CDH13: variants seen among roughly 807,000 people sequenced by gnomAD.
CDH13 encodes cadherin-13.
Under a neutral mutation model 63.8 loss-of-function variants are expected in CDH13, and 24 were observed. The observed-to-expected ratio is 0.38, with a 90% CI of 0.27 to 0.53. The LOEUF (loss-of-function observed/expected upper bound fraction) is 0.53, where lower values mean the gene tolerates loss of function less well. Among genes scored for constraint, CDH13 ranks in the 20% least tolerant of loss-of-function variants. The pLI, the probability that CDH13 is intolerant of heterozygous loss-of-function variation, is 0.85. For synonymous variants in CDH13, 503 were observed against 355.3 expected, an observed-to-expected ratio of 1.42 and a Z score of -4.67; for missense variants, 1,049 against 903.1, an observed-to-expected ratio of 1.16 and a Z score of -2.07.
rs562366929 is a variant in CDH13, at chr16:83,134,929, G to A, written c.483+9428G>A. Among the ~76,000 whole-genome samples the A allele has an allele frequency of 4.6e-5, 7 of 152,150 alleles. No individual in the cohort carries two copies. The South Asian group carries it at 6.2e-4, about 14-fold the overall frequency. On this transcript the variant is annotated intron_variant, in intron 4 of 13. Transcript: ENST00000567109. ...TTAACCCTGAGTTTATCACCCTTTCGGTTCTCCATTTTAAAGGTTCCTAGA... is the reference window on the plus strand; with the variant it reads ...TTAACCCTGAGTTTATCACCCTTTCAGTTCTCCATTTTAAAGGTTCCTAGA...
chr16:83,191,472 T>G (rs1168016940), intron 4 of CDH13, among the ~76,000 whole-genome samples: 14 of 115,448 alleles, frequency 1.2e-4, no homozygotes, highest in African/African-American at 3.9e-4. Flanking sequence ...TATATATATA[T>G]ATATATATAT....
chr16:82,690,839 C>G (rs1915575621), intron 1 of CDH13, among the ~76,000 whole-genome samples: 1 of 152,210 alleles, frequency 6.6e-6, no homozygotes, highest in African/African-American at 2.4e-5. Context: ...CTCGGCTGAG[C>G]TGACTGTCAA....
intron 2 of CDH13, among the ~76,000 whole-genome samples, chr16:82,945,515 A>G (rs895996568): frequency 6.6e-6 from 1 of 152,226 alleles, no homozygotes. Flanking sequence ...GGATGGAAGA[A>G]CAATAACAAT....
chr16:83,410,761 C>G (rs1042978280), intron 6 of CDH13, among the ~76,000 whole-genome samples: 1 of 152,142 alleles, frequency 6.6e-6, no homozygotes, highest in Non-Finnish European at 1.5e-5. Flanking sequence ...GTTCAAGTAA[C>G]TGAGTCGTTG....
chr16:83,333,554 C>T (rs534147730), intron 5 of CDH13, among the ~76,000 whole-genome samples: 2 of 152,260 alleles, frequency 1.3e-5, no homozygotes, highest in East Asian at 3.9e-4. Context: ...AGGAAGATGG[C>T]ATTCCAAGGT....
intron 7 of CDH13, among the ~76,000 whole-genome samples, chr16:83,564,264 A>G (rs1214407819): frequency 6.6e-6 from 1 of 152,130 alleles, no homozygotes. Flanking sequence ...TAGCAAGAAA[A>G]AATGGCAGGC....
intron 6 of CDH13, among the ~76,000 whole-genome samples, chr16:83,379,938 T>TATAGAG: frequency 0.044 from 5,445 of 123,350 alleles, 153 homozygotes; most frequent in Non-Finnish European, 0.062. Flanking sequence ...TATATATATA[T>TATAGAG]AGAGAGAGAG....
chr16:83,231,369 A>C (rs1235996160), intron 5 of CDH13, among the ~76,000 whole-genome samples: 4 of 152,182 alleles, frequency 2.6e-5, no homozygotes, highest in Admixed American at 2.0e-4. Flanking sequence ...AGATAGGAGA[A>C]AAATTTTGGA....
chr16:83,405,393 G>C (rs1326395643), intron 6 of CDH13, among the ~76,000 whole-genome samples: 1 of 152,192 alleles, frequency 6.6e-6, no homozygotes, highest in Non-Finnish European at 1.5e-5. Flanking sequence ...TACGCCCAAT[G>C]TAACCACAAG....
chr16:83,487,533 CG>C (rs1313045271), intron 7 of CDH13, among the ~76,000 whole-genome samples: 8 of 152,130 alleles, frequency 5.3e-5, no homozygotes, highest in Non-Finnish European at 1.0e-4. Context: ...TGAGGTCCAC[CG>C]TGTAGCTTAC....
At chr16:83,511,971 C>G (rs546595050) in intron 7 of CDH13, among the ~76,000 whole-genome samples, 1 of 152,244 alleles carries the variant, frequency 6.6e-6, no homozygotes, top group African/African-American at 2.4e-5. Flanking sequence ...AGTTCCAGCA[C>G]ATGGTTAGTC....
intron 3 of CDH13, among the ~76,000 whole-genome samples, chr16:83,093,826 T>A (rs1347628795): frequency 6.6e-6 from 1 of 152,118 alleles, no homozygotes; most frequent in Non-Finnish European, 1.5e-5. Flanking sequence ...AATAAATGGA[T>A]ACCAAAATCA....
At chr16:83,171,616 C>G in intron 4 of CDH13, 4 of 1,448,456 alleles carry the variant, frequency 2.8e-6, no homozygotes, top group Non-Finnish European at 3.7e-6. Context: ...TCTTCATTTC[C>G]TTGTTTGTGT....
rs866552612 is a variant in CDH13, at chr16:83,090,730, A to T, written c.367-34655A>T. ...CTCCGACTGCACGAGTTGGTGATTA[A>T]ACTTTAAAACAACAATTAGACCCTT... On this transcript the variant is annotated intron_variant, in intron 3 of 13. Transcript: ENST00000567109. Among the ~76,000 whole-genome samples, 31 of 152,268 alleles carry T rather than the reference A, an allele frequency of 2.0e-4. No individual in the cohort carries two copies. In the Middle Eastern group the frequency reaches 0.01, roughly 50 times the overall value.
At chr16:83,551,749 A>G (rs2075503463) in intron 7 of CDH13, among the ~76,000 whole-genome samples, 1 of 151,874 alleles carries the variant, frequency 6.6e-6, no homozygotes, top group African/African-American at 2.4e-5. Context: ...TCCATTTTTC[A>G]TCACTTTGTA....
intron 1 of CDH13, among the ~76,000 whole-genome samples, chr16:82,627,479 C>T (rs1032728311): frequency 1.3e-5 from 2 of 152,264 alleles, no homozygotes; most frequent in East Asian, 3.9e-4. Flanking sequence ...TGGTTCCCTC[C>T]TCCGGAGGCT....
chr16:82,973,262 T>G (rs965708932), intron 2 of CDH13, among the ~76,000 whole-genome samples: 1 of 152,232 alleles, frequency 6.6e-6, no homozygotes, highest in African/African-American at 2.4e-5. Flanking sequence ...GAGCAGATGC[T>G]CAGACGGTCT....
intron 9 of CDH13, among the ~76,000 whole-genome samples, chr16:83,671,754 T>C: frequency 6.6e-6 from 1 of 152,170 alleles, no homozygotes; most frequent in East Asian, 1.9e-4. Context: ...TCTGTGACCC[T>C]TGCTAACTCA....
chr16:83,332,218 G>T (rs1597770029), intron 5 of CDH13, among the ~76,000 whole-genome samples: 1 of 151,870 alleles, frequency 6.6e-6, no homozygotes, highest in African/African-American at 2.4e-5. Context: ...TGTAAAACCT[G>T]CATTTCAGTA....
Sources: allele counts gnomAD v4.1 joint callset (sites outside exome capture counted in the v4.1 genomes callset), GRCh38; gene constraint gnomAD v4.1.1; transcripts MANE v1.5; gene names NCBI Gene and HGNC (gene_info 2026-07-23, HGNC 2026-07-21).